NEO1: variants seen among roughly 807,000 people sequenced by gnomAD.
NEO1 encodes neogenin.
NEO1 carries 63 observed loss-of-function variants against 159.7 expected under a neutral mutation model. That is an observed-to-expected ratio of 0.39 (90% CI 0.32 to 0.49). NEO1 has a LOEUF of 0.49. Among genes scored for constraint, NEO1 ranks in the 20% least tolerant of loss-of-function variants. The pLI, the probability that NEO1 is intolerant of heterozygous loss-of-function variation, is 0.85. For synonymous variants in NEO1, 633 were observed against 662.0 expected (o/e 0.96, Z 0.67); for missense variants, 1,615 against 1,831.0 (o/e 0.88, Z 2.15).
At chr15:73,223,649 C>G in intron 7 of NEO1, among the ~76,000 whole-genome samples, 1 of 152,116 alleles carries the variant, frequency 6.6e-6, no homozygotes, top group East Asian at 1.9e-4. Context: ...TTTTTCCACC[C>G]CTTTAAGTTC....
Position 73,298,337 on chromosome 15 carries a change from T to G in NEO1, c.3902-11T>G, listed in dbSNP as rs751061290. 6.2e-7 allele frequency: 1 copy of G among 1,613,042 alleles called. No homozygotes were observed. The highest frequency in any genetic ancestry group is 2.2e-5 in the East Asian group (1 of 44,846). The stretch of plus-strand genomic sequence containing the variant: ...AAAAGAAATGCTAACATTTAGACTT[T>G]CCTGCTGTAGAATCCGTTCGAAATA... On this transcript the variant is annotated splice_polypyrimidine_tract_variant and intron_variant, in intron 26 of 28. Transcript: ENST00000261908.
chr15:73,200,386 G>A (rs1009273555), intron 7 of NEO1, among the ~76,000 whole-genome samples: 1 of 151,554 alleles, frequency 6.6e-6, no homozygotes, highest in Non-Finnish European at 1.5e-5. Context: ...TTTAAGACCA[G>A]CCTGGGCAAC....
At chr15:73,301,593 C>T (rs2042617520) in intron 28 of NEO1, 136 bp downstream of exon 28, 1 of 1,132,066 alleles carries the variant, frequency 8.8e-7, no homozygotes, top group African/African-American at 1.5e-5. Flanking sequence ...CTCATTCATT[C>T]AGTAGATACA....
At chr15:73,173,689 G>C (rs2035109415) in intron 5 of NEO1, among the ~76,000 whole-genome samples, 1 of 152,188 alleles carries the variant, frequency 6.6e-6, no homozygotes, top group South Asian at 2.1e-4. Context: ...GATGCCTTAA[G>C]TTAAAGACAG....
At chr15:73,124,228 A>AT (rs931955638) in intron 3 of NEO1, among the ~76,000 whole-genome samples, 2 of 138,112 alleles carry the variant, frequency 1.4e-5, no homozygotes, top group Non-Finnish European at 3.3e-5. Flanking sequence ...CATCTGGCTA[A>AT]TTTTTTTGTA....
chr15:73,157,119 C>G lies in NEO1; in HGVS notation c.1016-19284C>G, dbSNP rs1195923682. On this transcript the variant is annotated intron_variant, in intron 5 of 28. Transcript: ENST00000261908. The stretch of plus-strand genomic sequence containing the variant: ...CAGTGTTCTGCAACTCAGTCCAGGG[C>G]CTTAGGAGATACAACCCAGCTTAAT... 3.3e-5 allele frequency among the ~76,000 whole-genome samples: 5 copies of G among 152,138 alleles called. No individual in the cohort carries two copies. In the East Asian group the frequency reaches 9.6e-4, roughly 29 times the overall value.
chr15:73,060,591 TAG>T (rs576462642), intron 1 of NEO1, among the ~76,000 whole-genome samples: 28 of 151,898 alleles, frequency 1.8e-4, no homozygotes, highest in Non-Finnish European at 3.1e-4. Flanking sequence ...TTTAAATTTA[TAG>T]AGTGTTGTAT....
At chr15:73,157,730 A>T (rs1275506346) in intron 5 of NEO1, among the ~76,000 whole-genome samples, 1 of 152,216 alleles carries the variant, frequency 6.6e-6, no homozygotes. Flanking sequence ...TTGTTCTTCT[A>T]AGTGGATGAG....
intron 7 of NEO1, among the ~76,000 whole-genome samples, chr15:73,228,769 T>C (rs1833275775): frequency 6.6e-6 from 1 of 152,144 alleles, no homozygotes; most frequent in South Asian, 2.1e-4. Context: ...TTTTTATATA[T>C]GATGTGAGTT....
intron 22 of NEO1, among the ~76,000 whole-genome samples, chr15:73,282,228 G>C (rs1363978181): frequency 6.6e-6 from 1 of 152,130 alleles, no homozygotes; most frequent in Non-Finnish European, 1.5e-5. Context: ...CAGACACTCT[G>C]TATCATAACC....
intron 1 of NEO1, among the ~76,000 whole-genome samples, chr15:73,086,115 T>C (rs2069344461): frequency 6.6e-6 from 1 of 152,234 alleles, no homozygotes; most frequent in South Asian, 2.1e-4. Flanking sequence ...AGTTAATTTT[T>C]ACATAAAGTC....
At chr15:73,279,474 G>A (rs1382986069) in intron 22 of NEO1, among the ~76,000 whole-genome samples, 3 of 151,176 alleles carry the variant, frequency 2.0e-5, no homozygotes, top group Non-Finnish European at 4.4e-5. Flanking sequence ...TCAGCCTCTC[G>A]AGTAGCTGGG....
chr15:73,266,539 A>G lies in NEO1; in HGVS notation c.2494+128A>G, dbSNP rs1009623258. ...ATGGCAGTTTCGGGTGCTGACTTCA[A>G]ATGGGAAAGTGGGCTTTCAGCATGG... is the stretch of plus-strand genomic sequence containing the variant. On this transcript the variant is annotated intron_variant, in intron 16 of 28. Transcript: ENST00000261908. The G allele has an allele frequency of 3.8e-5, 22 of 576,692 alleles. No homozygotes were observed. The African/African-American group carries it at 4.0e-4, about 10-fold the overall frequency. The allele number at this position is 576,692 out of a possible 1,614,324, so 35.7% of individuals were successfully genotyped here. A position where few individuals can be genotyped will look rare whatever the true frequency, so the allele number is the denominator to read the frequency against.
Position 73,282,751 on chromosome 15 carries a change from T to C in NEO1, c.3263-213T>C, listed in dbSNP as rs117119176. Among the ~76,000 whole-genome samples, 978 of 152,342 alleles carry C rather than the reference T, an allele frequency of 6.4e-3. 10 individuals are homozygous for C. The highest frequency in any genetic ancestry group is 0.044 in the Middle Eastern group (13 of 294). On this transcript the variant is annotated intron_variant, in intron 22 of 28. Coordinates refer to ENST00000261908, the MANE Select transcript of NEO1 (RefSeq NM_002499.4). ...AATTAAGTACTATCTTTGAGCAGGC[T>C]CTGTCCTGAGCACTGTTCATAGGAC...
intron 1 of NEO1, among the ~76,000 whole-genome samples, chr15:73,082,122 A>G (rs183652967): frequency 6.8e-6 from 1 of 147,292 alleles, no homozygotes; most frequent in Non-Finnish European, 1.5e-5. Flanking sequence ...GATCTGCCCA[A>G]CTCGGCCTCC....
intron 2 of NEO1, among the ~76,000 whole-genome samples, chr15:73,117,441 A>G (rs1231838289): frequency 6.6e-6 from 1 of 152,180 alleles, no homozygotes; most frequent in Non-Finnish European, 1.5e-5. Context: ...TGTGGTTTCT[A>G]AGTAAGTCAT....
chr15:73,249,859 A>AT, intron 11 of NEO1, 138 bp downstream of exon 11: 1 of 947,250 alleles, frequency 1.1e-6, no homozygotes, highest in Non-Finnish European at 1.5e-6. Context: ...GACTTTAGTC[A>AT]AGTCTGAACA....
intron 1 of NEO1, among the ~76,000 whole-genome samples, chr15:73,103,850 G>T (rs2070533679): frequency 6.6e-6 from 1 of 152,090 alleles, no homozygotes; most frequent in Non-Finnish European, 1.5e-5. Flanking sequence ...TTGAAAGAAT[G>T]TGTAAATTAT....
intron 1 of NEO1, among the ~76,000 whole-genome samples, chr15:73,093,228 A>G (rs796406714): frequency 4.6e-5 from 7 of 152,324 alleles, no homozygotes; most frequent in African/African-American, 1.4e-4. Context: ...ATGATGTATC[A>G]CTATTAACAT....
Sources: gnomAD v4.1 joint callset for allele counts (sites outside exome capture counted in the v4.1 genomes callset) on GRCh38, gnomAD v4.1.1 for gene constraint, MANE v1.5 for transcripts, NCBI Gene and HGNC (gene_info 2026-07-23, HGNC 2026-07-21) for gene names.